The following ST7 variants were observed in gnomAD, a reference collection of about 807,000 sequenced individuals.
ST7 encodes suppression of tumorigenicity 7, also known as suppressor of tumorigenicity 7 protein.
ST7 carries 28 observed loss-of-function variants against 78.7 expected under a neutral mutation model. That is an observed-to-expected ratio of 0.36 (90% CI 0.26 to 0.49). The LOEUF (loss-of-function observed/expected upper bound fraction) is 0.49, where lower values mean the gene tolerates loss of function less well. Ranked by LOEUF, ST7 falls within the 20% of genes least tolerant of loss-of-function variation. The pLI, the probability that ST7 is intolerant of heterozygous loss-of-function variation, is 0.99. For missense variants in ST7, 418 were observed against 696.0 expected (o/e 0.60, Z 4.49); for synonymous variants, 247 against 249.6 (o/e 0.99, Z 0.10).
Position 117,164,269 on chromosome 7 carries a change from G to C in ST7, c.964-6593G>C, listed in dbSNP as rs149650640. On this transcript the variant is annotated intron_variant, in intron 9 of 15. Coordinates refer to ENST00000323984, the MANE Select transcript of ST7 (RefSeq NM_001369598.1). ...GAAAGGACAGTCTCTTCAAAAAGTG[G>C]TGTTGGGGAAACTGGATATTCATAC... is the stretch of plus-strand genomic sequence containing the variant. Among the ~76,000 whole-genome samples, 827 of 152,288 alleles carry C rather than the reference G, an allele frequency of 5.4e-3. 9 individuals carry two copies. Among genetic ancestry groups the C allele is most frequent in the African/African-American group, 0.019 (797 of 41,566 alleles).
At chr7:117,111,935 A>G (rs1253911394) in intron 2 of ST7, among the ~76,000 whole-genome samples, 2 of 152,184 alleles carry the variant, frequency 1.3e-5, no homozygotes, top group Admixed American at 6.5e-5. Flanking sequence ...ACAATTCTGT[A>G]TGTTGCATTG....
In ST7 at chr7:117,184,900, CTG is replaced by C. The variant is rs572636229; in HGVS notation, c.1079-4416_1079-4415del. Among the ~76,000 whole-genome samples, 714 of 152,264 alleles carry C rather than the reference CTG, an allele frequency of 4.7e-3. 2 individuals are homozygous for C. The highest frequency in any genetic ancestry group is 8.6e-3 in the Non-Finnish European group (584 of 68,022). On this transcript the variant is annotated intron_variant, in intron 10 of 15. Coordinates refer to ENST00000323984, the MANE Select transcript of ST7 (RefSeq NM_001369598.1). ...GAAGCTGAGTGAAACATTTACAAGA[CTG>C]TGTGCTATTTTTATAAATTTCTGGA...
chr7:117,184,588 A>G (rs1005413898), intron 10 of ST7, among the ~76,000 whole-genome samples: 1 of 152,176 alleles, frequency 6.6e-6, no homozygotes, highest in Admixed American at 6.5e-5. Flanking sequence ...AACTGTACAG[A>G]ACAGATTAGT....
chr7:116,968,529 C>T, intron 1 of ST7: 2 of 384,530 alleles, frequency 5.2e-6, no homozygotes, highest in South Asian at 1.9e-5. Context: ...TTATGTTGAA[C>T]CTCTTTTCTC....
chr7:116,962,939 C>A (rs1461503760), intron 1 of ST7, among the ~76,000 whole-genome samples: 1 of 152,152 alleles, frequency 6.6e-6, no homozygotes, highest in African/African-American at 2.4e-5. Flanking sequence ...TGATGATAGA[C>A]TTGGTCCCTT....
chr7:117,104,398 C>CCACTG (rs1195636334), intron 2 of ST7, among the ~76,000 whole-genome samples: 7 of 152,176 alleles, frequency 4.6e-5, no homozygotes, highest in Admixed American at 4.6e-4. Context: ...TGAGATGGCA[C>CCACTG]CACTGCACTC....
intron 1 of ST7, among the ~76,000 whole-genome samples, chr7:117,065,172 A>T (rs1239442462): frequency 1.3e-5 from 2 of 151,990 alleles, no homozygotes; most frequent in Non-Finnish European, 2.9e-5. Context: ...TTATGAATAA[A>T]ACTAGGAATT....
intron 6 of ST7, among the ~76,000 whole-genome samples, chr7:117,132,333 A>C (rs948100986): frequency 2.6e-5 from 4 of 151,838 alleles, no homozygotes; most frequent in African/African-American, 9.7e-5. Context: ...AACTTCTGCT[A>C]GTGGGGAAAA....
chr7:116,974,493 G>A (rs968053393), intron 1 of ST7, among the ~76,000 whole-genome samples: 26 of 152,030 alleles, frequency 1.7e-4, no homozygotes, highest in South Asian at 1.2e-3. Context: ...GGGTTTCACC[G>A]TGTTAGCCAG....
chr7:117,069,072 TGCCAGCTGCTTCAA>T (rs1397932875), intron 1 of ST7, among the ~76,000 whole-genome samples: 11 of 152,260 alleles, frequency 7.2e-5, no homozygotes, highest in South Asian at 2.1e-4. Flanking sequence ...GCTCTTGGAT[TGCCAGCTGCTTCAA>T]GCCAGCTGCT....
intron 2 of ST7, among the ~76,000 whole-genome samples, chr7:117,102,427 T>C (rs1801630422): frequency 6.6e-6 from 1 of 152,134 alleles, no homozygotes. Flanking sequence ...AGATAATCTC[T>C]TCAATCTAGG....
chr7:116,956,757 A>G (rs1289290203), intron 1 of ST7: 17 of 425,090 alleles, frequency 4.0e-5, no homozygotes, highest in Non-Finnish European at 6.7e-5. Context: ...TTTTTAATTT[A>G]GATGCCTCCT....
intron 1 of ST7, among the ~76,000 whole-genome samples, chr7:117,007,133 T>A (rs1795189465): frequency 6.6e-6 from 1 of 152,194 alleles, no homozygotes; most frequent in African/African-American, 2.4e-5. Flanking sequence ...TTAAGCTTAA[T>A]GACGAAGGCA....
chr7:117,036,688 A>G (rs1350907375), intron 1 of ST7, among the ~76,000 whole-genome samples: 1 of 152,178 alleles, frequency 6.6e-6, no homozygotes, highest in Non-Finnish European at 1.5e-5. Context: ...GGGTAGCCAT[A>G]TATCATATTC....
intron 1 of ST7, among the ~76,000 whole-genome samples, chr7:116,991,556 A>G (rs1348473407): frequency 6.6e-6 from 1 of 152,156 alleles, no homozygotes; most frequent in African/African-American, 2.4e-5. Flanking sequence ...AACCGCCCCC[A>G]TGATTCAAAT....
chr7:117,033,287 G>A (rs1017551445), intron 1 of ST7, among the ~76,000 whole-genome samples: 1 of 152,114 alleles, frequency 6.6e-6, no homozygotes, highest in Admixed American at 6.5e-5. Context: ...AGAAAAAATT[G>A]TTTTAAATGG....
chr7:117,106,411 T>C (rs984701421), intron 2 of ST7, among the ~76,000 whole-genome samples: 1 of 152,086 alleles, frequency 6.6e-6, no homozygotes, highest in African/African-American at 2.4e-5. Flanking sequence ...GCTTGTTTAT[T>C]TTTATTTTTA....
intron 1 of ST7, among the ~76,000 whole-genome samples, chr7:116,994,082 C>T (rs1794543830): frequency 6.6e-6 from 1 of 152,130 alleles, no homozygotes; most frequent in Non-Finnish European, 1.5e-5. Flanking sequence ...CATTGTTATG[C>T]AGTCGTCACC....
intron 12 of ST7, among the ~76,000 whole-genome samples, chr7:117,206,471 G>A (rs868676543): frequency 5.3e-5 from 8 of 152,152 alleles, no homozygotes; most frequent in East Asian, 1.9e-4. Context: ...ATAAGGTGGC[G>A]TGTGATTAGT....
Sources: gnomAD v4.1 joint callset for allele counts (sites outside exome capture counted in the v4.1 genomes callset) on GRCh38, gnomAD v4.1.1 for gene constraint, MANE v1.5 for transcripts, NCBI Gene and HGNC (gene_info 2026-07-23, HGNC 2026-07-21) for gene names.